The following CSMD2 variants were observed in gnomAD, a reference collection of about 807,000 sequenced individuals.
CSMD2 encodes the protein CUB and sushi domain-containing protein 2.
CSMD2 carries 130 observed loss-of-function variants against 398.5 expected under a neutral mutation model. The observed-to-expected ratio is 0.33, with a 90% CI of 0.28 to 0.38. The LOEUF is 0.38. Among genes scored for constraint, CSMD2 ranks in the 10% least tolerant of loss-of-function variants. CSMD2 has a pLI of 1.00. For synonymous variants in CSMD2, 1,828 were observed against 1,908.5 expected (o/e 0.96, Z 1.10); for missense variants, 3,829 against 4,764.9 (o/e 0.80, Z 5.78).
chr1:33,917,111 G>A (rs972098947), intron 5 of CSMD2, among the ~76,000 whole-genome samples: 1 of 152,114 alleles, frequency 6.6e-6, no homozygotes, highest in East Asian at 1.9e-4. Context: ...CGCCAGACCT[G>A]GCCGGGCCCA....
At chr1:34,039,632 G>A (rs571422364) in intron 2 of CSMD2, among the ~76,000 whole-genome samples, 26 of 152,294 alleles carry the variant, frequency 1.7e-4, no homozygotes, top group African/African-American at 4.6e-4. Context: ...AAGCTCCAGC[G>A]TCAGTGACAA....
intron 3 of CSMD2, among the ~76,000 whole-genome samples, chr1:33,999,040 C>T (rs1310616983): frequency 6.6e-6 from 1 of 152,166 alleles, no homozygotes; most frequent in East Asian, 1.9e-4. Context: ...TGGCCAGCCT[C>T]TCTGATGCCT....
intron 15 of CSMD2, 27 bp from the exon 16 acceptor site, chr1:33,726,712 GC>G: frequency 6.3e-7 from 1 of 1,594,472 alleles, no homozygotes; most frequent in African/African-American, 1.3e-5. Flanking sequence ...AAGAGAGGCA[GC>G]TTTCTTCAGG....
chr1:33,767,569 T>C (rs1449890914), intron 13 of CSMD2, among the ~76,000 whole-genome samples: 3 of 152,144 alleles, frequency 2.0e-5, no homozygotes, highest in Non-Finnish European at 4.4e-5. Flanking sequence ...AGCCATACCC[T>C]CTTATGCAGC....
intron 6 of CSMD2, among the ~76,000 whole-genome samples, chr1:33,826,043 C>A (rs747610387): frequency 1.3e-5 from 2 of 152,182 alleles, no homozygotes; most frequent in African/African-American, 4.8e-5. Flanking sequence ...GGGACTCCCC[C>A]GGTGGCCTCT....
At chr1:33,684,351 T>G (rs1342339672) in intron 25 of CSMD2, among the ~76,000 whole-genome samples, 1 of 152,208 alleles carries the variant, frequency 6.6e-6, no homozygotes, top group Non-Finnish European at 1.5e-5. Flanking sequence ...ATGAGCTTTA[T>G]GGGCATAGCA....
At chr1:34,129,994 A>G (rs1487059190) in intron 1 of CSMD2, among the ~76,000 whole-genome samples, 1 of 152,186 alleles carries the variant, frequency 6.6e-6, no homozygotes, top group Non-Finnish European at 1.5e-5. Context: ...ATTAAATAAG[A>G]TTATGAACAT....
chr1:33,862,605 TC>T (rs1168942444), intron 5 of CSMD2: 1 of 152,042 alleles, frequency 6.6e-6, no homozygotes. Context: ...CCCAGAGTAA[TC>T]CGTTCCTTTG....
chr1:33,646,512 C>T, intron 29 of CSMD2, 136 bp downstream of exon 29: 6 of 873,490 alleles, frequency 6.9e-6, no homozygotes, highest in Non-Finnish European at 1.1e-5. Context: ...CAGGTTTCTG[C>T]AGGCGGCAGC....
chr1:34,134,791 G>A (rs1396557292), intron 1 of CSMD2, among the ~76,000 whole-genome samples: 6 of 152,174 alleles, frequency 3.9e-5, no homozygotes, highest in Non-Finnish European at 7.3e-5. Flanking sequence ...GTTTTCAGGA[G>A]AAGAGATACA....
At chr1:33,924,422 T>G (rs2125300797) in intron 4 of CSMD2, among the ~76,000 whole-genome samples, 1 of 152,340 alleles carries the variant, frequency 6.6e-6, no homozygotes, top group East Asian at 1.9e-4. Flanking sequence ...ATACCATATT[T>G]TCTTTATACA....
chr1:33,964,724 T>C (rs541406309), intron 3 of CSMD2, among the ~76,000 whole-genome samples: 125 of 152,194 alleles, frequency 8.2e-4, no homozygotes, highest in African/African-American at 2.8e-3. Flanking sequence ...ACCCCAGAAG[T>C]GAGGCCTTCC....
chr1:34,050,163 T>C (rs1653011750), intron 2 of CSMD2, among the ~76,000 whole-genome samples: 1 of 152,184 alleles, frequency 6.6e-6, no homozygotes. Flanking sequence ...CCAAAACAGA[T>C]TTTGGTACCA....
chr1:33,830,344 G>A (rs1273498533), intron 6 of CSMD2, among the ~76,000 whole-genome samples: 2 of 152,184 alleles, frequency 1.3e-5, no homozygotes, highest in African/African-American at 4.8e-5. Flanking sequence ...AGCAGCATTC[G>A]TGGTTCACGA....
intron 49 of CSMD2, among the ~76,000 whole-genome samples, chr1:33,574,363 T>G (rs1197448354): frequency 1.3e-5 from 2 of 152,210 alleles, no homozygotes; most frequent in Non-Finnish European, 2.9e-5. Context: ...TAGGAATTAC[T>G]TAGGCAAGAG....
intron 3 of CSMD2, among the ~76,000 whole-genome samples, chr1:34,031,063 A>G (rs1040361440): frequency 6.6e-6 from 1 of 152,072 alleles, no homozygotes; most frequent in Non-Finnish European, 1.5e-5. Context: ...GGATGACAAA[A>G]ATCACAGGCT....
intron 64 of CSMD2, 108 bp downstream of exon 64, chr1:33,532,942 C>T (rs1655388213): frequency 3.8e-6 from 4 of 1,051,292 alleles, no homozygotes; most frequent in Non-Finnish European, 5.4e-6. Flanking sequence ...CGGGATCCAG[C>T]TCCTTGAAAC....
At chr1:33,708,391 C>T (rs1013139593) in intron 22 of CSMD2, among the ~76,000 whole-genome samples, 4 of 134,746 alleles carry the variant, frequency 3.0e-5, no homozygotes, top group African/African-American at 9.9e-5. Flanking sequence ...ACACAGATCC[C>T]CAAAACCAAA....
intron 13 of CSMD2, among the ~76,000 whole-genome samples, chr1:33,766,760 T>C (rs1160642053): frequency 2.0e-5 from 3 of 152,226 alleles, no homozygotes; most frequent in Non-Finnish European, 2.9e-5. Flanking sequence ...AAGCAATATA[T>C]ATGTGACCTA....
Sources: allele counts gnomAD v4.1 joint callset (sites outside exome capture counted in the v4.1 genomes callset), GRCh38; gene constraint gnomAD v4.1.1; transcripts MANE v1.5; gene names NCBI Gene and HGNC (gene_info 2026-07-23, HGNC 2026-07-21).